Variants in GALNT17 observed in about 807,000 individuals in gnomAD.
GALNT17 encodes polypeptide N-acetylgalactosaminyltransferase 17, also known as UDP-GalNAc:polypeptide N-acetylgalactosaminyltransferase-like 3.
Under a neutral mutation model 63.7 loss-of-function variants are expected in GALNT17, and 29 were observed. The ratio of observed to expected loss-of-function variants is 0.46; its 90% CI spans 0.34 to 0.62. GALNT17 has a LOEUF of 0.62. Among genes scored for constraint, GALNT17 ranks in the 20% least tolerant of loss-of-function variants. GALNT17 has a pLI of 0.01. For missense variants in GALNT17, 603 were observed against 799.6 expected, an observed-to-expected ratio of 0.75 and a Z score of 2.97; for synonymous variants, 305 against 318.3, an observed-to-expected ratio of 0.96 and a Z score of 0.45.
Position 71,288,615 on chromosome 7 carries a change from T to C in GALNT17, c.239-46935T>C, listed in dbSNP as rs766861363. Among the ~76,000 whole-genome samples, 24 of 152,196 alleles carry C rather than the reference T, an allele frequency of 1.6e-4. 1 individual carries two copies. The highest frequency in any genetic ancestry group is 4.1e-4 in the South Asian group (2 of 4,828). ...CATCCTGAGTCTCTCCAGGGTGGTC[T>C]TGCAGCATGCTCAGGGGCCCAATGT... On this transcript the variant is annotated intron_variant, in intron 1 of 10. Coordinates refer to ENST00000333538, the MANE Select transcript of GALNT17 (RefSeq NM_022479.3).
At chr7:71,585,733 A>G (rs972626911) in intron 6 of GALNT17, among the ~76,000 whole-genome samples, 1 of 152,056 alleles carries the variant, frequency 6.6e-6, no homozygotes, top group Non-Finnish European at 1.5e-5. Flanking sequence ...ATACAGTCCA[A>G]TGTACAGATT....
At chr7:71,558,152 T>C (rs1315776420) in intron 5 of GALNT17, among the ~76,000 whole-genome samples, 1 of 152,216 alleles carries the variant, frequency 6.6e-6, no homozygotes, top group East Asian at 1.9e-4. Flanking sequence ...CCTCCACGGC[T>C]TCATCTTCTA....
chr7:71,273,091 G>GGT (rs1790622016), intron 1 of GALNT17, among the ~76,000 whole-genome samples: 1 of 151,608 alleles, frequency 6.6e-6, no homozygotes, highest in Non-Finnish European at 1.5e-5. Flanking sequence ...CCATCTTATT[G>GGT]TTTTTTTAAC....
chr7:71,493,369 G>C (rs1788041599), intron 5 of GALNT17, among the ~76,000 whole-genome samples: 1 of 152,200 alleles, frequency 6.6e-6, no homozygotes. Flanking sequence ...AATGAGTTTT[G>C]ATTGGTGCCT....
intron 2 of GALNT17, among the ~76,000 whole-genome samples, chr7:71,343,221 T>C (rs747981368): frequency 5.3e-5 from 8 of 152,348 alleles, no homozygotes; most frequent in Admixed American, 1.3e-4. Flanking sequence ...GGCAGCTGCC[T>C]GGGGCTGAGC....
At chr7:71,436,730 A>T (rs1469370622) in intron 5 of GALNT17, among the ~76,000 whole-genome samples, 29 of 122,760 alleles carry the variant, frequency 2.4e-4, no homozygotes, top group Non-Finnish European at 4.4e-4. Context: ...AAAAAAAAAT[A>T]AAAAATAAAA....
rs533919505 is a variant in GALNT17, at chr7:71,602,224, A to G, written c.1080+30822A>G. On this transcript the variant is annotated intron_variant, in intron 6 of 10. Coordinates refer to ENST00000333538, the MANE Select transcript of GALNT17 (RefSeq NM_022479.3). ...TTTCTCACCCAAACTTTTCATCTAC[A>G]AAGAGAAATGATGCTATTTTATGCC... is the stretch of plus-strand genomic sequence containing the variant. 2.4e-4 allele frequency among the ~76,000 whole-genome samples: 37 copies of G among 152,356 alleles called. No individual in the cohort carries two copies. In the South Asian group the frequency reaches 7.7e-3, roughly 32 times the overall value.
At chr7:71,589,261 T>C (rs1332187293) in intron 6 of GALNT17, among the ~76,000 whole-genome samples, 9 of 152,126 alleles carry the variant, frequency 5.9e-5, no homozygotes, top group Admixed American at 5.9e-4. Flanking sequence ...GTTATTACGT[T>C]AAATGGGACA....
chr7:71,316,072 G>A (rs893536437), intron 1 of GALNT17, among the ~76,000 whole-genome samples: 5 of 152,164 alleles, frequency 3.3e-5, no homozygotes, highest in Admixed American at 1.3e-4. Context: ...CAGAGAGATT[G>A]TGTCCAGTGC....
At chr7:71,642,557 C>T (rs966034021) in intron 6 of GALNT17, among the ~76,000 whole-genome samples, 1 of 152,174 alleles carries the variant, frequency 6.6e-6, no homozygotes, top group Admixed American at 6.5e-5. Flanking sequence ...AGATTCTTGA[C>T]TGGGTGCAGT....
intron 1 of GALNT17, among the ~76,000 whole-genome samples, chr7:71,175,495 C>T (rs1272773391): frequency 6.6e-6 from 1 of 152,068 alleles, no homozygotes; most frequent in Admixed American, 6.6e-5. Context: ...AGAGTTTATG[C>T]AGGGGAGTGA....
chr7:71,157,416 G>A (rs753796462), intron 1 of GALNT17, among the ~76,000 whole-genome samples: 5 of 151,796 alleles, frequency 3.3e-5, no homozygotes, highest in South Asian at 4.1e-4. Flanking sequence ...CCAGCACTTC[G>A]GGAGGCTGAG....
At chr7:71,551,598 TA>T (rs202243673) in intron 5 of GALNT17, among the ~76,000 whole-genome samples, 1,901 of 151,712 alleles carry the variant, frequency 0.013, 35 homozygotes, top group African/African-American at 0.043. Context: ...TACTGTCTCT[TA>T]AAAAAAATAC....
intron 3 of GALNT17, among the ~76,000 whole-genome samples, chr7:71,396,015 A>G (rs1294507281): frequency 6.6e-6 from 1 of 152,206 alleles, no homozygotes; most frequent in African/African-American, 2.4e-5. Context: ...ATATTCTGCA[A>G]CCAATTTTTG....
At chr7:71,697,498 A>T (rs1402025546) in intron 9 of GALNT17, among the ~76,000 whole-genome samples, 2 of 152,160 alleles carry the variant, frequency 1.3e-5, no homozygotes, top group African/African-American at 4.8e-5. Context: ...CTGGGTGCGT[A>T]ACAGGGAGCT....
intron 2 of GALNT17, among the ~76,000 whole-genome samples, chr7:71,382,544 A>T (rs1792866052): frequency 6.6e-6 from 1 of 152,124 alleles, no homozygotes; most frequent in Non-Finnish European, 1.5e-5. Flanking sequence ...GGTGTCAGTG[A>T]GGTCCAGGAA....
intron 1 of GALNT17, among the ~76,000 whole-genome samples, chr7:71,135,964 C>G (rs1449184313): frequency 6.6e-6 from 1 of 152,152 alleles, no homozygotes; most frequent in Non-Finnish European, 1.5e-5. Context: ...GCTAAGAATG[C>G]AAGCTGCGAC....
chr7:71,524,088 AG>A (rs1411281450), intron 5 of GALNT17, among the ~76,000 whole-genome samples: 12 of 151,490 alleles, frequency 7.9e-5, no homozygotes, highest in Non-Finnish European at 1.6e-4. Flanking sequence ...ATTGCGCTTC[AG>A]CCTGGTGACA....
In GALNT17 at chr7:71,150,406, AG is replaced by A. The variant is rs1418919546; in HGVS notation, c.238+17369del. ...TAGATAGGGCCATGTGATTGAGTTCAGGGCAATGAGAGGTAGACGGAAGTGA... is the reference window on the plus strand; with the variant it reads ...TAGATAGGGCCATGTGATTGAGTTCAGGCAATGAGAGGTAGACGGAAGTGA... On this transcript the variant is annotated intron_variant, in intron 1 of 10. Coordinates refer to ENST00000333538, the MANE Select transcript of GALNT17 (RefSeq NM_022479.3). 2.6e-5 allele frequency among the ~76,000 whole-genome samples: 4 copies of A among 152,204 alleles called. No homozygotes were observed. The East Asian group carries it at 7.7e-4, about 29-fold the overall frequency.
Sources: gnomAD v4.1 joint callset for allele counts (sites outside exome capture counted in the v4.1 genomes callset) on GRCh38, gnomAD v4.1.1 for gene constraint, MANE v1.5 for transcripts, NCBI Gene and HGNC (gene_info 2026-07-23, HGNC 2026-07-21) for gene names.